The following REV3L variants were observed in gnomAD, a reference collection of about 807,000 sequenced individuals.
REV3L encodes the protein DNA polymerase zeta catalytic subunit.
In REV3L, 69 loss-of-function variants were observed where a neutral mutation model predicts 299.4. That is an observed-to-expected ratio of 0.23 (90% confidence interval 0.19 to 0.28). REV3L has a LOEUF of 0.28. Among genes scored for constraint, REV3L ranks in the 10% least tolerant of loss-of-function variants. The pLI, the probability that REV3L is intolerant of heterozygous loss-of-function variation, is 1.00. For missense variants in REV3L, 3,128 were observed against 3,693.8 expected, an observed-to-expected ratio of 0.85 and a Z score of 3.97; for synonymous variants, 1,238 against 1,271.4, an observed-to-expected ratio of 0.97 and a Z score of 0.56.
chr6:111,430,585 A>T, intron 1 of REV3L: 2 of 1,556,466 alleles, frequency 1.3e-6, no homozygotes, highest in Non-Finnish European at 1.8e-6. Context: ...CAGAAAACTC[A>T]AAAGCAGGAA....
chr6:111,475,901 G>C (rs1483841728), intron 1 of REV3L, among the ~76,000 whole-genome samples: 1 of 151,852 alleles, frequency 6.6e-6, no homozygotes, highest in Admixed American at 6.6e-5. Flanking sequence ...AACTCCTCTG[G>C]AAGCCAACAT....
At chr6:111,320,560 A>C (rs1426333961) in intron 26 of REV3L, among the ~76,000 whole-genome samples, 1 of 152,194 alleles carries the variant, frequency 6.6e-6, no homozygotes, top group African/African-American at 2.4e-5. Context: ...TATGGTACTG[A>C]CTTTTTTGTG....
At chr6:111,450,565 A>C (rs1789413131) in intron 1 of REV3L, among the ~76,000 whole-genome samples, 1 of 151,624 alleles carries the variant, frequency 6.6e-6, no homozygotes, top group African/African-American at 2.4e-5. Flanking sequence ...TGTATAACTT[A>C]AGTTCCTGCA....
At chr6:111,402,972 C>T (rs1562258885) in intron 4 of REV3L, among the ~76,000 whole-genome samples, 1 of 152,106 alleles carries the variant, frequency 6.6e-6, no homozygotes, top group East Asian at 1.9e-4. Flanking sequence ...ATGTTCACAG[C>T]AGCATTGTTC....
Position 111,405,499 on chromosome 6 carries a change from G to T in REV3L, c.536C>A (p.Ala179Asp). Residue 179 changes from alanine (A) to aspartate (D), a missense_variant, in exon 4 of 32, where the codon GCT becomes GAT. By Grantham distance (126) the Ala-to-Asp change is moderately radical. Around this residue, in one of 9 missense-constraint regions of REV3L, gnomAD observed 2,409 missense variants for 2,611.8 expected, o/e 0.92. Coordinates refer to ENST00000368802, the MANE Select transcript of REV3L (RefSeq NM_001372078.1). ...CCTTCTTGCTTTTCGGAACTTGACA[G>T]CAGCCAGATTTATTAAATTCATGCC... The part of the protein sequence containing the change: ...LYGMNLINLA[A>D]VKFRKARRKS... 6.3e-7 allele frequency: 1 copy of T among 1,598,982 alleles called. No individual in the cohort carries two copies. Among genetic ancestry groups the T allele is most frequent in the Non-Finnish European group, 8.5e-7 (1 of 1,174,814 alleles).
At chr6:111,482,012 T>A (rs1426309110) in intron 1 of REV3L, among the ~76,000 whole-genome samples, 1 of 152,094 alleles carries the variant, frequency 6.6e-6, no homozygotes, top group Non-Finnish European at 1.5e-5. Flanking sequence ...TTCACCCCAT[T>A]AAGTGTGATG....
At chr6:111,454,688 T>C (rs374603390) in intron 1 of REV3L, among the ~76,000 whole-genome samples, 5 of 152,226 alleles carry the variant, frequency 3.3e-5, no homozygotes, top group African/African-American at 1.2e-4. Flanking sequence ...TTTTTTGAGA[T>C]GGAGTTTCGC....
chr6:111,471,110 C>A (rs752934867), intron 1 of REV3L, among the ~76,000 whole-genome samples: 8 of 152,192 alleles, frequency 5.3e-5, no homozygotes, highest in Non-Finnish European at 8.8e-5. Flanking sequence ...AGTCCACATT[C>A]CACAATCCTA....
Position 111,374,003 on chromosome 6 carries a change from T to C in REV3L, c.4352A>G (p.Glu1451Gly). ...AAAGCAATTATTAGGCATTTGGCTT[T>C]CCTCTGAAGCTGTATTTCCCGGAGA... is the stretch of plus-strand genomic sequence containing the variant. ...TCSPGNTASEESQMPNNCFVT... is the reference protein window; with the variant it reads ...TCSPGNTASEGSQMPNNCFVT... Residue 1451 changes from glutamate (E) to glycine (G), a missense_variant, in exon 13 of 32, where the codon GAA becomes GGA. Physicochemically the swap from Glu to Gly is moderately conservative, Grantham distance 98. Around this residue, in one of 9 missense-constraint regions of REV3L, gnomAD observed 2,409 missense variants for 2,611.8 expected, o/e 0.92. Transcript: ENST00000368802. The C allele has an allele frequency of 6.2e-7, 1 of 1,614,188 alleles. No individual in the cohort carries two copies. The highest frequency in any genetic ancestry group is 1.3e-5 in the African/African-American group (1 of 75,076).
chr6:111,326,604 T>C (rs993414258), intron 25 of REV3L, among the ~76,000 whole-genome samples: 13 of 109,808 alleles, frequency 1.2e-4, no homozygotes, highest in Admixed American at 8.0e-4. Context: ...GCTGGGTATA[T>C]ACCCCCCCCA....
intron 24 of REV3L, chr6:111,330,255 T>TTCAA (rs1307363465): frequency 2.2e-6 from 1 of 453,550 alleles, no homozygotes; most frequent in Non-Finnish European, 4.5e-6. Context: ...CTCTAGGTAT[T>TTCAA]TCAAATCTGA....
chr6:111,380,741 T>C (rs754246974), intron 10 of REV3L, among the ~76,000 whole-genome samples: 2 of 152,210 alleles, frequency 1.3e-5, no homozygotes, highest in Non-Finnish European at 2.9e-5. Context: ...AAAATAACAT[T>C]GTTGTGTGCT....
In REV3L at chr6:111,367,293, T is replaced by C; in HGVS notation, c.6495A>G (p.Lys2165=). 1 of 1,611,382 alleles carries C rather than the reference T, an allele frequency of 6.2e-7. No homozygotes were observed. Among genetic ancestry groups the C allele is most frequent in the Non-Finnish European group, 8.5e-7 (1 of 1,179,314 alleles). ...TGCAGGGGCTTTTTTGTATACCATCTTTTATTGGCTTTAAGAAGTTCTCAA... is the reference window on the plus strand; with the variant it reads ...TGCAGGGGCTTTTTTGTATACCATCCTTTATTGGCTTTAAGAAGTTCTCAA... ...LAFENFLKPI[K]DGIQKSPCSE... Residue 2165 remains lysine (K), a synonymous_variant, in exon 14 of 32, where the codon AAA becomes AAG. Transcript: ENST00000368802.
intron 1 of REV3L, among the ~76,000 whole-genome samples, chr6:111,479,508 C>CG (rs1793354294): frequency 8.6e-6 from 1 of 116,238 alleles, no homozygotes; most frequent in South Asian, 3.4e-4. Flanking sequence ...TCCCCCCCCG[C>CG]CTTTTTTTTT....
intron 1 of REV3L, among the ~76,000 whole-genome samples, chr6:111,477,257 GAATT>G (rs1793053111): frequency 2.0e-5 from 3 of 152,140 alleles, no homozygotes; most frequent in South Asian, 2.1e-4. Context: ...TGAGTTCCAA[GAATT>G]AATAGACGAG....
chr6:111,344,449 G>C, intron 20 of REV3L, among the ~76,000 whole-genome samples: 1 of 152,112 alleles, frequency 6.6e-6, no homozygotes, highest in East Asian at 1.9e-4. Flanking sequence ...CCACAGATTT[G>C]AGGTGAGTTA....
intron 9 of REV3L, among the ~76,000 whole-genome samples, chr6:111,382,129 T>C (rs1780893154): frequency 6.6e-6 from 1 of 152,192 alleles, no homozygotes; most frequent in Admixed American, 6.5e-5. Context: ...TTCATTACAT[T>C]TTCATGATAT....
chr6:111,392,784 A>G, intron 5 of REV3L, 92 bp downstream of exon 5: 1 of 783,638 alleles, frequency 1.3e-6, no homozygotes, highest in Non-Finnish European at 2.1e-6. Context: ...CCAATACAAT[A>G]AAAGGTTAAA....
chr6:111,396,273 C>T (rs1191813490), intron 4 of REV3L, among the ~76,000 whole-genome samples: 2 of 152,088 alleles, frequency 1.3e-5, no homozygotes, highest in South Asian at 2.1e-4. Context: ...GTGATCTACC[C>T]ACTTCAGCCT....
Sources: gnomAD v4.1 joint callset for allele counts (sites outside exome capture counted in the v4.1 genomes callset) on GRCh38, gnomAD v4.1.1 for gene constraint, gnomAD v4.1.1 regional missense constraint, MANE v1.5 for transcripts, NCBI Gene and HGNC (gene_info 2026-07-23, HGNC 2026-07-21) for gene names.